PTPRN2: variants seen among roughly 807,000 people sequenced by gnomAD.
PTPRN2 encodes protein tyrosine phosphatase receptor type N2.
Under a neutral mutation model 118.8 loss-of-function variants are expected in PTPRN2, and 74 were observed. The ratio of observed to expected loss-of-function variants is 0.62; its 90% confidence interval spans 0.52 to 0.76. The LOEUF is 0.76. PTPRN2 is among the 30% of genes least tolerant of loss of function. The pLI, the probability that PTPRN2 is intolerant of heterozygous loss-of-function variation, is 0.00. For missense variants in PTPRN2, 1,481 were observed against 1,394.4 expected (o/e 1.06, Z -0.99); for synonymous variants, 641 against 608.0 (o/e 1.05, Z -0.80).
At chr7:157,568,873 G>A (rs768578494) in intron 21 of PTPRN2, 29 bp downstream of exon 21, 3 of 1,532,276 alleles carry the variant, frequency 2.0e-6, no homozygotes, top group Non-Finnish European at 2.7e-6. Context: ...GCTCTGAGCC[G>A]CAACAAAGCG....
In PTPRN2 at chr7:158,517,085, G is replaced by A. The variant is rs1437683817; in HGVS notation, c.113-27300C>T. On this transcript the variant is annotated intron_variant, in intron 1 of 22. Coordinates refer to ENST00000389418, the MANE Select transcript of PTPRN2 (RefSeq NM_002847.5). This position sits in a 1 kb window ranked among gnomAD's most constrained non-coding sequence, Gnocchi z 5.3. ...ATGGTGCCTCACTGATTTTGGACTG[G>A]GCACAACACGATTCATCCAAACACC... 6.6e-6 allele frequency among the ~76,000 whole-genome samples: 1 copy of A among 152,148 alleles called. No individual in the cohort carries two copies. The highest frequency in any genetic ancestry group is 1.9e-4 in the East Asian group (1 of 5,194).
At chr7:158,416,289 C>T (rs913321173) in intron 2 of PTPRN2, among the ~76,000 whole-genome samples, 3 of 152,218 alleles carry the variant, frequency 2.0e-5, no homozygotes, top group Non-Finnish European at 4.4e-5. Context: ...GACTGTCCTC[C>T]CTTGCAGGCC....
chr7:158,378,392 A>C (rs927483308), intron 2 of PTPRN2, among the ~76,000 whole-genome samples: 2 of 152,028 alleles, frequency 1.3e-5, no homozygotes, highest in Admixed American at 6.5e-5. Flanking sequence ...CTAGGGACTT[A>C]AGCTCCTTTT....
In PTPRN2 at chr7:157,550,898, T is replaced by C. The variant is rs944309937; in HGVS notation, c.2903-1879A>G. ...GTCGACAAGGCTACAGTAAATACAA[T>C]CTTGTTTTAAAAGAAATCCATAAAT... On this transcript the variant is annotated intron_variant, in intron 21 of 22. Transcript: ENST00000389418. This position sits in a 1 kb window ranked among gnomAD's most constrained non-coding sequence, Gnocchi z 5.2. Among the ~76,000 whole-genome samples, 3 of 152,158 alleles carry C rather than the reference T, an allele frequency of 2.0e-5. No individual in the cohort carries two copies. Among genetic ancestry groups the C allele is most frequent in the African/African-American group, 7.2e-5 (3 of 41,426 alleles).
chr7:157,752,062 G>T (rs1439191775), intron 12 of PTPRN2, among the ~76,000 whole-genome samples: 1 of 152,158 alleles, frequency 6.6e-6, no homozygotes, highest in Non-Finnish European at 1.5e-5. Context: ...CAGGCTGCAA[G>T]CTCCCAAGCA....
At chr7:158,571,477 C>CA (rs1262294681) in intron 1 of PTPRN2, among the ~76,000 whole-genome samples, 17 of 91,086 alleles carry the variant, frequency 1.9e-4, no homozygotes, top group Middle Eastern at 7.4e-3. Flanking sequence ...GACTCCAACT[C>CA]AAAAAAAACA....
chr7:158,299,638 T>C (rs1014101076), intron 3 of PTPRN2, among the ~76,000 whole-genome samples: 3 of 152,294 alleles, frequency 2.0e-5, no homozygotes, highest in South Asian at 2.1e-4. Flanking sequence ...CAAAGACAGA[T>C]AGCCAGGGCC....
chr7:158,419,816 T>G (rs935107087), intron 2 of PTPRN2, among the ~76,000 whole-genome samples: 1 of 152,178 alleles, frequency 6.6e-6, no homozygotes, highest in African/African-American at 2.4e-5. Context: ...CAGCACTTCG[T>G]TATTTTATTA....
chr7:158,435,340 T>C (rs117598208), intron 2 of PTPRN2, among the ~76,000 whole-genome samples: 3,232 of 152,168 alleles, frequency 0.021, 52 homozygotes, highest in Non-Finnish European at 0.031. Flanking sequence ...ACTGCAGGTA[T>C]ACAACAAAAA....
At chr7:157,824,580 T>G (rs1477802198) in intron 12 of PTPRN2, among the ~76,000 whole-genome samples, 1 of 152,216 alleles carries the variant, frequency 6.6e-6, no homozygotes. Context: ...TCTGGACTGT[T>G]GGCAACTGAG....
At chr7:157,966,738 TCATTATCACCATTAC>T (rs1407783262) in intron 11 of PTPRN2, among the ~76,000 whole-genome samples, 2 of 152,032 alleles carry the variant, frequency 1.3e-5, no homozygotes, top group African/African-American at 4.8e-5. Context: ...ACCATCGTCT[TCATTATCACCATTAC>T]CATTATCACC....
intron 12 of PTPRN2, among the ~76,000 whole-genome samples, chr7:157,805,201 C>G (rs563308939): frequency 1.4e-4 from 21 of 152,282 alleles, no homozygotes; most frequent in Non-Finnish European, 2.8e-4. Flanking sequence ...TTCCTCTCCC[C>G]CACAGTGCTT....
At position 157,990,542 on chromosome 7, in the gene PTPRN2, T is replaced by G. The variant is rs1804171401; in HGVS notation, c.1723+90756A>C. On this transcript the variant is annotated intron_variant, in intron 11 of 22. Transcript: ENST00000389418. This position sits in a 1 kb window ranked among gnomAD's most constrained non-coding sequence, Gnocchi z 4.3. ...CGCCCTGCACCCACCTCTGGCAAGT[T>G]CTGGGCAGGGGGAGAGCGACACAAG... Among the ~76,000 whole-genome samples the G allele has an allele frequency of 6.6e-6, 1 of 152,028 alleles. No homozygotes were observed. Among genetic ancestry groups the G allele is most frequent in the Non-Finnish European group, 1.5e-5 (1 of 67,992 alleles).
At chr7:158,215,263 A>G (rs1301523966) in intron 3 of PTPRN2, among the ~76,000 whole-genome samples, 1 of 152,246 alleles carries the variant, frequency 6.6e-6, no homozygotes, top group Non-Finnish European at 1.5e-5. Context: ...GGATGGAGAG[A>G]CAGAGGAAAG....
chr7:157,855,375 C>T (rs1457343575), intron 12 of PTPRN2, among the ~76,000 whole-genome samples: 2 of 152,172 alleles, frequency 1.3e-5, no homozygotes, highest in Admixed American at 6.5e-5. Context: ...CACCTAATAA[C>T]GATTATTTTA....
chr7:158,284,719 G>A (rs552868914), intron 3 of PTPRN2, among the ~76,000 whole-genome samples: 2 of 152,274 alleles, frequency 1.3e-5, no homozygotes, highest in South Asian at 2.1e-4. Flanking sequence ...CCTCCCGCAG[G>A]AAGGCATTCC....
chr7:158,150,269 G>A lies in PTPRN2; in HGVS notation c.911-11754C>T, dbSNP rs142902548. Among the ~76,000 whole-genome samples, 748 of 152,342 alleles carry A rather than the reference G, an allele frequency of 4.9e-3. 14 individuals carry two copies. The East Asian group carries it at 0.058, about 12-fold the overall frequency. Reference sequence around the variant, plus strand: ...GTATTCATGAGAGATTTTTAAACAAGTTGAATCCAGGCTGTTTCTGCTAAA... The same window carrying A: ...GTATTCATGAGAGATTTTTAAACAAATTGAATCCAGGCTGTTTCTGCTAAA... On this transcript the variant is annotated intron_variant, in intron 6 of 22. Coordinates refer to ENST00000389418, the MANE Select transcript of PTPRN2 (RefSeq NM_002847.5).
chr7:157,568,886 A>G lies in PTPRN2; in HGVS notation c.2902+16T>C, dbSNP rs548805667. On this transcript the variant is annotated intron_variant, in intron 21 of 22. Coordinates refer to ENST00000389418, the MANE Select transcript of PTPRN2 (RefSeq NM_002847.5). ...CAGCTCTGAGCCGCAACAAAGCGGCAGTGTCTGTGTCTCACCTTTGGCCAT... is the reference window on the plus strand; with the variant it reads ...CAGCTCTGAGCCGCAACAAAGCGGCGGTGTCTGTGTCTCACCTTTGGCCAT... 429 of 1,541,116 alleles carry G rather than the reference A, an allele frequency of 2.8e-4. 5 individuals are homozygous for G. The South Asian group carries it at 4.3e-3, about 16-fold the overall frequency.
rs1488656666 is a variant in PTPRN2, at chr7:158,125,244, T to G, written c.1556+8433A>C. ...CCCAGGGCTGCCCCCCTGTCTCGAG[T>G]CCCTCCCAGGGCCACCTCCCTGCCT... On this transcript the variant is annotated intron_variant, in intron 9 of 22. Coordinates refer to ENST00000389418, the MANE Select transcript of PTPRN2 (RefSeq NM_002847.5). 7.4e-5 allele frequency among the ~76,000 whole-genome samples: 10 copies of G among 134,354 alleles called. No homozygotes were observed. In the East Asian group the frequency reaches 1.6e-3, roughly 21 times the overall value. 88.1% of individuals were successfully genotyped at this position (134,354 alleles called of 152,430 possible).
Sources: gnomAD v4.1 joint callset for allele counts (sites outside exome capture counted in the v4.1 genomes callset) on GRCh38, gnomAD v4.1.1 for gene constraint, Gnocchi (gnomAD v3.1) non-coding constraint, MANE v1.5 for transcripts, NCBI Gene and HGNC (gene_info 2026-07-23, HGNC 2026-07-21) for gene names.